CCDC57: variants seen among roughly 807,000 people sequenced by gnomAD.
CCDC57 encodes coiled-coil domain-containing protein 57.
A neutral mutation model predicts 118.9 loss-of-function variants in CCDC57; 118 were observed. The observed-to-expected ratio is 0.99, with a 90% CI of 0.86 to 1.16. CCDC57 has a LOEUF of 1.16. Ranked by LOEUF, CCDC57 falls within the 50% of genes most tolerant of loss-of-function variation. CCDC57 has a pLI of 0.00. For synonymous variants in CCDC57, 527 were observed against 532.9 expected (o/e 0.99, Z 0.15); for missense variants, 1,300 against 1,320.7 (o/e 0.98, Z 0.24).
At chr17:82,154,347 C>A (rs6502068) in intron 15 of CCDC57, 1 of 152,250 alleles carries the variant, frequency 6.6e-6, no homozygotes, top group East Asian at 1.9e-4. Flanking sequence ...GGAAGGGGAC[C>A]AGCTTTCGTC....
At chr17:82,178,244 A>G (rs1277646385) in intron 11 of CCDC57, among the ~76,000 whole-genome samples, 1 of 152,234 alleles carries the variant, frequency 6.6e-6, no homozygotes, top group Non-Finnish European at 1.5e-5. Context: ...ATATCTAGTT[A>G]TATGTGGATT....
At chr17:82,113,107 G>A (rs978672568) in intron 19 of CCDC57, 6 of 449,828 alleles carry the variant, frequency 1.3e-5, no homozygotes, top group African/African-American at 4.0e-5. Context: ...TCATGGTTTC[G>A]TCACTACAAT....
At chr17:82,189,517 T>C (rs1295246896) in intron 7 of CCDC57, among the ~76,000 whole-genome samples, 2 of 152,016 alleles carry the variant, frequency 1.3e-5, no homozygotes, top group Non-Finnish European at 2.9e-5. Flanking sequence ...TTCCACCAAG[T>C]TGGAGAAGCT....
At chr17:82,203,885 G>A (rs1310406413) in intron 2 of CCDC57, among the ~76,000 whole-genome samples, 4 of 152,144 alleles carry the variant, frequency 2.6e-5, no homozygotes, top group East Asian at 1.9e-4. Context: ...CTGTATCTCC[G>A]GGCACCTCTG....
chr17:82,113,106 C>T (rs961229554), intron 19 of CCDC57: 10 of 457,898 alleles, frequency 2.2e-5, no homozygotes, highest in Non-Finnish European at 3.5e-5. Context: ...GTCATGGTTT[C>T]GTCACTACAA....
At chr17:82,186,980 T>C (rs2047002089) in intron 8 of CCDC57, among the ~76,000 whole-genome samples, 1 of 151,706 alleles carries the variant, frequency 6.6e-6, no homozygotes, top group African/African-American at 2.4e-5. Flanking sequence ...GGCTCACACC[T>C]GTAATCCCAG....
chr17:82,174,611 A>G (rs1286061986), intron 11 of CCDC57, among the ~76,000 whole-genome samples: 1 of 152,354 alleles, frequency 6.6e-6, no homozygotes, highest in Admixed American at 6.5e-5. Context: ...ACTGGCACCA[A>G]CAACGTCTGA....
In CCDC57 at chr17:82,157,234, C is replaced by T. The variant is rs540131728; in HGVS notation, c.2241+514G>A. ...GCCATGGAGTTGGGGGTCACTCCCT[C>T]GGGGCCAAGGGCCTGACCAAAACCA... On this transcript the variant is annotated intron_variant, in intron 15 of 19. Transcript: ENST00000665763. The T allele has an allele frequency of 1.7e-3, 294 of 168,998 alleles. 11 individuals carry two copies. In the South Asian group the frequency reaches 0.047, roughly 27 times the overall value. The allele number at this position is 168,998 out of a possible 1,614,324, so 10.5% of individuals were successfully genotyped here.
At chr17:82,155,343 C>G (rs1243847216) in intron 15 of CCDC57, 3 of 152,416 alleles carry the variant, frequency 2.0e-5, no homozygotes, top group South Asian at 2.1e-4. Context: ...CCCCGTTCCC[C>G]TGACCGATCT....
At chr17:82,128,647 G>T in intron 17 of CCDC57, 50 bp from the exon 17 acceptor site, 1 of 1,352,468 alleles carries the variant, frequency 7.4e-7, no homozygotes. Context: ...ATGTACTGAT[G>T]GTGCATGTCA....
intron 9 of CCDC57, among the ~76,000 whole-genome samples, chr17:82,182,215 A>G (rs2146466768): frequency 6.6e-6 from 1 of 151,898 alleles, no homozygotes; most frequent in Admixed American, 6.5e-5. Context: ...CACAAGTAAT[A>G]GGTAAATCTA....
chr17:82,212,145 C>T lies in CCDC57; in HGVS notation c.-211+640G>A, dbSNP rs1267177458. Among the ~76,000 whole-genome samples the T allele has an allele frequency of 2.0e-5, 3 of 152,162 alleles. No homozygotes were observed. The highest frequency in any genetic ancestry group is 7.2e-5 in the African/African-American group (3 of 41,432). The stretch of plus-strand genomic sequence containing the variant: ...ACTCCTGAGTAGTCTCAGAGTGTGG[C>T]GTTCTCTCTATAACTCCCTCAGTTA... On this transcript the variant is annotated intron_variant, in intron 1 of 19. Transcript: ENST00000665763. This position sits in a 1 kb window ranked among gnomAD's most constrained non-coding sequence, Gnocchi z 4.1.
chr17:82,182,644 G>A (rs531781576), intron 9 of CCDC57, among the ~76,000 whole-genome samples: 40 of 148,218 alleles, frequency 2.7e-4, no homozygotes, highest in African/African-American at 8.2e-4. Flanking sequence ...GTGAGCCACC[G>A]CGCCCGGCCC....
At chr17:82,178,844 A>G (rs1026045987) in intron 10 of CCDC57, among the ~76,000 whole-genome samples, 183 bp downstream of exon 9, 5 of 152,252 alleles carry the variant, frequency 3.3e-5, no homozygotes, top group Admixed American at 6.5e-5. Context: ...CTTATGCAAG[A>G]AAGTCAAGGC....
chr17:82,206,567 G>A (rs531068663), intron 2 of CCDC57, among the ~76,000 whole-genome samples: 24 of 152,244 alleles, frequency 1.6e-4, no homozygotes, highest in Admixed American at 5.9e-4. Flanking sequence ...GGGTGTGGGG[G>A]GGTCCTCCAG....
At chr17:82,176,929 G>A (rs751962494) in intron 11 of CCDC57, among the ~76,000 whole-genome samples, 69 of 151,884 alleles carry the variant, frequency 4.5e-4, no homozygotes, top group Non-Finnish European at 8.5e-4. Flanking sequence ...AACTGAATTG[G>A]CATTTGCCTT....
chr17:82,138,251 C>T (rs1012821830), intron 16 of CCDC57, among the ~76,000 whole-genome samples: 20 of 150,966 alleles, frequency 1.3e-4, no homozygotes, highest in African/African-American at 4.9e-4. Context: ...CGGGTTCACG[C>T]CACTCTCCTG....
chr17:82,163,927 C>A (rs1239829029), intron 13 of CCDC57, among the ~76,000 whole-genome samples: 1 of 152,190 alleles, frequency 6.6e-6, no homozygotes, highest in Non-Finnish European at 1.5e-5. Flanking sequence ...GTCATCTCAT[C>A]ACGTTGGGAG....
At chr17:82,204,133 C>T (rs1274143874) in intron 2 of CCDC57, among the ~76,000 whole-genome samples, 3 of 152,150 alleles carry the variant, frequency 2.0e-5, no homozygotes, top group African/African-American at 4.8e-5. Flanking sequence ...GGAGCAAAGA[C>T]GGTCTCCTCC....
Sources: gnomAD v4.1 joint callset for allele counts (sites outside exome capture counted in the v4.1 genomes callset) on GRCh38, gnomAD v4.1.1 for gene constraint, Gnocchi (gnomAD v3.1) non-coding constraint, MANE v1.5 for transcripts, NCBI Gene and HGNC (gene_info 2026-07-23, HGNC 2026-07-21) for gene names.